Variants in PSD3 observed in about 807,000 individuals in gnomAD.
PSD3 encodes the protein pleckstrin and Sec7 domain containing 3, also known as PH and SEC7 domain-containing protein 3.
Under a neutral mutation model 105.5 loss-of-function variants are expected in PSD3, and 49 were observed. The observed-to-expected ratio is 0.46, with a 90% CI of 0.37 to 0.59. The LOEUF is 0.59. PSD3 is among the 20% of genes least tolerant of loss of function. PSD3 has a pLI of 0.00. For synonymous variants in PSD3, 557 were observed against 457.8 expected, an observed-to-expected ratio of 1.22 and a Z score of -2.77; for missense variants, 1,561 against 1,263.8, an observed-to-expected ratio of 1.24 and a Z score of -3.57.
intron 14 of PSD3, among the ~76,000 whole-genome samples, chr8:18,559,860 A>G (rs2035682): frequency 1.8e-4 from 27 of 152,246 alleles, no homozygotes; most frequent in African/African-American, 6.5e-4. Flanking sequence ...GGGTTTGTTC[A>G]CTGTTACCAA....
intron 9 of PSD3, among the ~76,000 whole-genome samples, chr8:18,711,425 A>G (rs1309053624): frequency 6.6e-6 from 1 of 152,228 alleles, no homozygotes; most frequent in Admixed American, 6.5e-5. Context: ...TAGGCTCAAA[A>G]TAAATGGAGG....
chr8:18,835,497 A>G (rs537738973), intron 4 of PSD3, among the ~76,000 whole-genome samples: 5 of 152,338 alleles, frequency 3.3e-5, no homozygotes, highest in African/African-American at 1.2e-4. Flanking sequence ...CCAAAACAAG[A>G]CAAAAATCCC....
At chr8:18,652,560 C>T (rs1808588938) in intron 10 of PSD3, among the ~76,000 whole-genome samples, 1 of 137,796 alleles carries the variant, frequency 7.3e-6, no homozygotes, top group African/African-American at 2.8e-5. Context: ...TATAGTGGCA[C>T]AATCTCAGCT....
chr8:19,002,670 T>C (rs557520362), intron 1 of PSD3, among the ~76,000 whole-genome samples: 1 of 152,280 alleles, frequency 6.6e-6, no homozygotes, highest in East Asian at 1.9e-4. Flanking sequence ...GTATAATACC[T>C]AATACAATGT....
chr8:18,579,690 A>G (rs2717716), intron 12 of PSD3, among the ~76,000 whole-genome samples: 67,504 of 152,026 alleles, frequency 0.44, 15,140 homozygotes, highest in East Asian at 0.63. Context: ...CATCATCTAC[A>G]TATGTACAAA....
intron 1 of PSD3, among the ~76,000 whole-genome samples, chr8:19,067,651 C>T (rs894062664): frequency 6.6e-6 from 1 of 152,166 alleles, no homozygotes; most frequent in Non-Finnish European, 1.5e-5. Context: ...CAAGGGGTGT[C>T]ACTCAAGGCT....
At chr8:19,013,425 T>C in intron 1 of PSD3, 138 bp downstream of exon 1, 1 of 1,163,738 alleles carries the variant, frequency 8.6e-7, no homozygotes, top group Non-Finnish European at 1.2e-6. Flanking sequence ...AATCGCACCC[T>C]GCACCTATCC....
intron 9 of PSD3, among the ~76,000 whole-genome samples, chr8:18,755,487 A>ATAACATAGCATAAG (rs1396646575): frequency 1.2e-5 from 1 of 80,784 alleles, no homozygotes; most frequent in African/African-American, 4.4e-5. Flanking sequence ...CATAACATAA[A>ATAACATAGCATAAG]AATGCTCCAA....
chr8:18,922,535 A>G (rs1246867393), intron 2 of PSD3, among the ~76,000 whole-genome samples: 3 of 152,172 alleles, frequency 2.0e-5, no homozygotes, highest in Non-Finnish European at 4.4e-5. Context: ...CAAACCGAGC[A>G]AGCAATCAAT....
At chr8:18,979,036 A>T (rs1490734252) in intron 1 of PSD3, among the ~76,000 whole-genome samples, 2 of 151,964 alleles carry the variant, frequency 1.3e-5, no homozygotes, top group African/African-American at 2.4e-5. Flanking sequence ...TAATCCCTTT[A>T]CCACTGTGGG....
At chr8:18,983,480 A>G (rs563369219) in intron 1 of PSD3, among the ~76,000 whole-genome samples, 1 of 152,286 alleles carries the variant, frequency 6.6e-6, no homozygotes, top group Admixed American at 6.5e-5. Context: ...AAGCTTAATC[A>G]TTTATTTGAT....
chr8:18,902,701 G>C (rs964030281), intron 2 of PSD3, among the ~76,000 whole-genome samples: 2 of 152,188 alleles, frequency 1.3e-5, no homozygotes, highest in Non-Finnish European at 2.9e-5. Flanking sequence ...TTACTGTGCT[G>C]GTTGGAAAGA....
chr8:18,988,729 C>G (rs994774952), intron 1 of PSD3, among the ~76,000 whole-genome samples: 3 of 151,992 alleles, frequency 2.0e-5, no homozygotes, highest in African/African-American at 4.8e-5. Context: ...GAAGAGAGTC[C>G]CCAAACTTGG....
chr8:18,832,281 T>C (rs954980459), intron 4 of PSD3, among the ~76,000 whole-genome samples: 2 of 152,078 alleles, frequency 1.3e-5, no homozygotes, highest in African/African-American at 4.8e-5. Context: ...TTGCTTCACG[T>C]CCAAGGATGC....
chr8:18,868,652 A>G (rs1817121455), intron 3 of PSD3, among the ~76,000 whole-genome samples: 1 of 152,228 alleles, frequency 6.6e-6, no homozygotes, highest in African/African-American at 2.4e-5. Flanking sequence ...AGGCAACAGA[A>G]GCAAGGCTAA....
intron 2 of PSD3, among the ~76,000 whole-genome samples, chr8:18,903,000 T>C (rs1819607005): frequency 6.6e-6 from 1 of 152,134 alleles, no homozygotes; most frequent in African/African-American, 2.4e-5. Flanking sequence ...GCCAGGGTCC[T>C]AGGCTCAGAA....
intron 8 of PSD3, among the ~76,000 whole-genome samples, chr8:18,785,392 G>A (rs983554021): frequency 6.6e-6 from 1 of 152,098 alleles, no homozygotes; most frequent in Non-Finnish European, 1.5e-5. Context: ...CATGAACCAA[G>A]TTCTCCTAGC....
chr8:18,955,334 G>A (rs1823499962), intron 1 of PSD3, among the ~76,000 whole-genome samples: 1 of 152,146 alleles, frequency 6.6e-6, no homozygotes, highest in Admixed American at 6.5e-5. Context: ...TTGAACTCCA[G>A]GACTCAAGGG....
At chr8:18,667,780 G>T (rs113847890) in intron 9 of PSD3, among the ~76,000 whole-genome samples, 15 of 152,162 alleles carry the variant, frequency 9.9e-5, no homozygotes, top group Admixed American at 3.3e-4. Context: ...ATGGCGGGGT[G>T]GGGGAGGCTC....
Sources: gnomAD v4.1 joint callset for allele counts (sites outside exome capture counted in the v4.1 genomes callset) on GRCh38, gnomAD v4.1.1 for gene constraint, MANE v1.5 for transcripts, NCBI Gene and HGNC (gene_info 2026-07-23, HGNC 2026-07-21) for gene names.